Variants in RGL1 observed in about 807,000 individuals in gnomAD.
RGL1 encodes the protein ral guanine nucleotide dissociation stimulator like 1.
A neutral mutation model predicts 95.2 loss-of-function variants in RGL1; 24 were observed. The observed-to-expected ratio is 0.25, with a 90% CI of 0.18 to 0.35. The LOEUF is 0.35. RGL1 is among the 10% of genes least tolerant of loss of function. RGL1 has a pLI of 1.00. For synonymous variants in RGL1, 329 were observed against 344.9 expected, an observed-to-expected ratio of 0.95 and a Z score of 0.51; for missense variants, 715 against 936.3, an observed-to-expected ratio of 0.76 and a Z score of 3.08.
At chr1:183,826,914 T>TTTTTC (rs1003097582) in intron 2 of RGL1, among the ~76,000 whole-genome samples, 12 of 152,236 alleles carry the variant, frequency 7.9e-5, no homozygotes, top group African/African-American at 2.6e-4. Flanking sequence ...TGTACCTTTT[T>TTTTTC]TTTTCTTTTC....
At chr1:183,694,134 T>G (rs1654120028) in intron 1 of RGL1, among the ~76,000 whole-genome samples, 1 of 152,192 alleles carries the variant, frequency 6.6e-6, no homozygotes, top group Non-Finnish European at 1.5e-5. Context: ...AGAAAACAGC[T>G]CTGAGTGAGG....
At chr1:183,883,089 C>T (rs910035188) in intron 5 of RGL1, among the ~76,000 whole-genome samples, 1 of 152,136 alleles carries the variant, frequency 6.6e-6, no homozygotes, top group African/African-American at 2.4e-5. Context: ...AAAATGGAGA[C>T]TGGAGGTCCT....
At chr1:183,876,425 C>G (rs1044469936) in intron 4 of RGL1, among the ~76,000 whole-genome samples, 3 of 152,214 alleles carry the variant, frequency 2.0e-5, no homozygotes, top group Non-Finnish European at 4.4e-5. Flanking sequence ...GTCTCCTCTG[C>G]TATCAGTTTT....
chr1:183,868,924 G>C (rs10797916), intron 4 of RGL1, among the ~76,000 whole-genome samples: 97,173 of 152,090 alleles, frequency 0.64, 32,995 homozygotes, highest in East Asian at 0.88. Context: ...AAACCAGCCT[G>C]GGCAACGTAG....
At chr1:183,817,327 C>T (rs1662154802) in intron 2 of RGL1, among the ~76,000 whole-genome samples, 1 of 152,196 alleles carries the variant, frequency 6.6e-6, no homozygotes, top group Admixed American at 6.5e-5. Context: ...CAGCAGTGTT[C>T]CTGGCCTCCC....
chr1:183,905,050 A>G (rs1668239956), intron 13 of RGL1, 79 bp downstream of exon 13: 7 of 1,511,436 alleles, frequency 4.6e-6, no homozygotes, highest in African/African-American at 1.4e-5. Context: ...TCGCTGGGTC[A>G]TTTATTCAAC....
rs575113334 is a variant in RGL1 at position 183,672,638 on chromosome 1, T to C, written c.-33+36137T>C. Among the ~76,000 whole-genome samples the C allele has an allele frequency of 2.6e-5, 4 of 152,348 alleles. No homozygotes were observed. In the East Asian group the frequency reaches 7.7e-4, roughly 29 times the overall value. On this transcript the variant is annotated intron_variant, in intron 1 of 18. Transcript: ENST00000304685. Reference sequence around the variant, plus strand: ...AGGGGTTTTAAAAATCCAGTGCTTATGTTTATCATTTCTACATGCTTTAGG... The same window carrying C: ...AGGGGTTTTAAAAATCCAGTGCTTACGTTTATCATTTCTACATGCTTTAGG...
At chr1:183,762,633 G>A (rs1658750452) in intron 2 of RGL1, among the ~76,000 whole-genome samples, 1 of 152,186 alleles carries the variant, frequency 6.6e-6, no homozygotes, top group South Asian at 2.1e-4. Context: ...ACAAACATAT[G>A]AAAAGAAGCT....
At chr1:183,922,649 G>A (rs527756657) in intron 17 of RGL1, among the ~76,000 whole-genome samples, 1 of 152,046 alleles carries the variant, frequency 6.6e-6, no homozygotes, top group South Asian at 2.1e-4. Context: ...GGAGGCAGAG[G>A]GTAGGGGAGT....
chr1:183,699,316 C>A (rs1654445292), intron 1 of RGL1, among the ~76,000 whole-genome samples: 1 of 152,198 alleles, frequency 6.6e-6, no homozygotes, highest in Non-Finnish European at 1.5e-5. Flanking sequence ...ATATTGTAGT[C>A]CCATCTACAG....
At chr1:183,921,499 C>T (rs779508592) in intron 16 of RGL1, among the ~76,000 whole-genome samples, 2 of 152,030 alleles carry the variant, frequency 1.3e-5, no homozygotes, top group African/African-American at 2.4e-5. Context: ...CTTTTGTGTC[C>T]GGTTTCTTTT....
chr1:183,768,570 G>A (rs1350600436), intron 2 of RGL1, among the ~76,000 whole-genome samples: 3 of 140,988 alleles, frequency 2.1e-5, no homozygotes, highest in African/African-American at 7.8e-5. Flanking sequence ...CTGGACTCAA[G>A]CAATCCTCCC....
chr1:183,828,928 T>C (rs16861575), intron 2 of RGL1, among the ~76,000 whole-genome samples: 315 of 152,330 alleles, frequency 2.1e-3, no homozygotes, highest in African/African-American at 7.2e-3. Flanking sequence ...AGGAGAATAA[T>C]AACACTGTGC....
At chr1:183,860,863 T>C (rs1271487832) in intron 3 of RGL1, among the ~76,000 whole-genome samples, 1 of 152,190 alleles carries the variant, frequency 6.6e-6, no homozygotes, top group African/African-American at 2.4e-5. Flanking sequence ...TAGTCCTTAG[T>C]AAATAATCCT....
At chr1:183,638,431 A>G (rs1390682932) in intron 1 of RGL1, among the ~76,000 whole-genome samples, 1 of 152,216 alleles carries the variant, frequency 6.6e-6, no homozygotes, top group Non-Finnish European at 1.5e-5. Context: ...TAATGATCTG[A>G]CAAGTTAATT....
intron 2 of RGL1, among the ~76,000 whole-genome samples, chr1:183,815,420 T>G (rs1414227319): frequency 6.6e-6 from 1 of 152,230 alleles, no homozygotes; most frequent in African/African-American, 2.4e-5. Flanking sequence ...AAAGGCTGAT[T>G]CCTTCTAAAG....
intron 3 of RGL1, among the ~76,000 whole-genome samples, chr1:183,863,267 A>G (rs138961800): frequency 4.7e-4 from 72 of 152,244 alleles, no homozygotes; most frequent in African/African-American, 1.5e-3. Flanking sequence ...TCAGAGTGAG[A>G]TGGGAGTCAT....
chr1:183,883,839 G>T lies in RGL1; in HGVS notation c.664G>T (p.Gly222Cys), dbSNP rs755391860. ...FSLEEEEELE[G>C]GESAEFTCFS... ...CCTGGAAGAGGAAGAGGAACTGGAG[G>T]GTGGAGAGTCAGCAGAATTCACGTG... The change falls in exon 6 of 18, where the codon GGT becomes TGT. Residue 222 changes from glycine to cysteine, a missense_variant. Physicochemically the swap from Gly to Cys is radical, Grantham distance 159. This residue lies in a region of RGL1 where 381 missense variants were observed against 484.8 expected (regional missense o/e 0.79). Transcript: ENST00000360851. 8 of 1,613,980 alleles carry T rather than the reference G, an allele frequency of 5.0e-6. No homozygotes were observed. The highest frequency in any genetic ancestry group is 5.9e-6 in the Non-Finnish European group (7 of 1,179,908).
chr1:183,656,831 G>C (rs1204742200), intron 1 of RGL1, among the ~76,000 whole-genome samples: 1 of 151,976 alleles, frequency 6.6e-6, no homozygotes, highest in Admixed American at 6.6e-5. Context: ...CCTATTTTTT[G>C]GTAATTAGTT....
Sources: gnomAD v4.1 joint callset for allele counts (sites outside exome capture counted in the v4.1 genomes callset) on GRCh38, gnomAD v4.1.1 for gene constraint, gnomAD v4.1.1 regional missense constraint, MANE v1.5 for transcripts, NCBI Gene and HGNC (gene_info 2026-07-23, HGNC 2026-07-21) for gene names.